The following HAPLN2 variants were observed in gnomAD, a reference collection of about 807,000 sequenced individuals.
HAPLN2 encodes hyaluronan and proteoglycan link protein 2, also known as brain link protein-1.
A neutral mutation model predicts 29.3 loss-of-function variants in HAPLN2; 27 were observed. The ratio of observed to expected loss-of-function variants is 0.92; its 90% CI spans 0.68 to 1.27. The LOEUF is 1.27. HAPLN2 is among the 50% of genes most tolerant of loss of function. The pLI, the probability that HAPLN2 is intolerant of heterozygous loss-of-function variation, is 0.00. For synonymous variants in HAPLN2, 208 were observed against 211.7 expected, an observed-to-expected ratio of 0.98 and a Z score of 0.15; for missense variants, 454 against 484.3, an observed-to-expected ratio of 0.94 and a Z score of 0.59.
At chr1:156,618,778 CAAAAAAAAAAA>C (rs67222173), upstream of HAPLN2, among the ~76,000 whole-genome samples, 6 of 41,682 alleles carry the variant, frequency 1.4e-4, no homozygotes, top group African/African-American at 2.7e-4. Flanking sequence ...GACTCCGTCT[CAAAAAAAAAAA>C]AAAAAAAAAA....
chr1:156,605,592 T>G, the HAPLN2 span, among the ~76,000 whole-genome samples: 1 of 70,886 alleles, frequency 1.4e-5, no homozygotes, highest in Non-Finnish European at 2.5e-5. Context: ...GAGCGAGACT[T>G]GGTCTCAAAA....
At chr1:156,621,226 TC>T (rs1198812184) in intron 2 of HAPLN2, among the ~76,000 whole-genome samples, 2 of 148,946 alleles carry the variant, frequency 1.3e-5, no homozygotes, top group Non-Finnish European at 3.0e-5. Context: ...TGCCTCAGCC[TC>T]CCGAGTAGCT....
the HAPLN2 span, among the ~76,000 whole-genome samples, chr1:156,602,239 C>T: frequency 1.3e-5 from 2 of 152,160 alleles, no homozygotes; most frequent in Middle Eastern, 3.2e-3. Context: ...CGTGACCGGC[C>T]TCATCAAACA....
chr1:156,604,491 T>C, the HAPLN2 span, among the ~76,000 whole-genome samples: 1 of 152,284 alleles, frequency 6.6e-6, no homozygotes, highest in Non-Finnish European at 1.5e-5. Flanking sequence ...GGTTTCACCA[T>C]GTTGGCCAGG....
upstream of HAPLN2, among the ~76,000 whole-genome samples, chr1:156,618,083 G>A (rs1678105447): frequency 6.6e-6 from 1 of 150,822 alleles, no homozygotes; most frequent in African/African-American, 2.4e-5. Flanking sequence ...GATTGCTTGA[G>A]CCCAGGAGTT....
chr1:156,613,734 G>C, the HAPLN2 span, among the ~76,000 whole-genome samples: 7 of 152,054 alleles, frequency 4.6e-5, no homozygotes, highest in Admixed American at 4.6e-4. Context: ...TGGCCAACAT[G>C]GTGAAGCCCC....
At chr1:156,610,204 C>T in the HAPLN2 span, among the ~76,000 whole-genome samples, 4 of 151,964 alleles carry the variant, frequency 2.6e-5, no homozygotes, top group Admixed American at 2.6e-4. Context: ...CAGAGCAAGA[C>T]TCCATCTCAA....
At chr1:156,624,497 C>T in intron 5 of HAPLN2, 30 bp downstream of exon 5, 1 of 1,607,888 alleles carries the variant, frequency 6.2e-7, no homozygotes, top group South Asian at 1.1e-5. Flanking sequence ...ACTTCCCAAG[C>T]CCCGCGGAGC....
At chr1:156,617,470 T>G (rs1405994561), upstream of HAPLN2, among the ~76,000 whole-genome samples, 1 of 150,184 alleles carries the variant, frequency 6.7e-6, no homozygotes, top group Admixed American at 6.7e-5. Context: ...ACCTCAAGCC[T>G]CCCGAGGAGC....
At chr1:156,610,725 G>A in the HAPLN2 span, among the ~76,000 whole-genome samples, 1 of 151,986 alleles carries the variant, frequency 6.6e-6, no homozygotes, top group Non-Finnish European at 1.5e-5. Context: ...TATGATGTAT[G>A]TTTCCATTTA....
Position 156,623,842 on chromosome 1 carries a change from A to G in HAPLN2, c.121A>G (p.Ile41Val), listed in dbSNP as rs966029535. The G allele has an allele frequency of 6.5e-7, 1 of 1,540,140 alleles. No homozygotes were observed. Among genetic ancestry groups the G allele is most frequent in the Non-Finnish European group, 8.7e-7 (1 of 1,143,942 alleles). ...HPGPHYLLPP[I>V]HEVIHSHRGA... is the part of the protein sequence containing the mutation. The stretch of plus-strand genomic sequence containing the variant: ...GGGCCCCCACTACCTCCTGCCCCCC[A>G]TCCACGAGGTCATTCACTCTCATCG... The change falls in exon 4 of 7, where the codon ATC becomes GTC. Residue 41 changes from isoleucine to valine, a missense_variant. Physicochemically the swap from Ile to Val is conservative, Grantham distance 29. This residue lies in a region of HAPLN2 where 204 missense variants were observed against 209.2 expected (regional missense o/e 0.98). Transcript: ENST00000255039.
chr1:156,624,812 G>C (rs1678392406), intron 6 of HAPLN2, 29 bp downstream of exon 6: 2 of 1,464,962 alleles, frequency 1.4e-6, no homozygotes, highest in Non-Finnish European at 1.8e-6. Flanking sequence ...GCAGGGTCTT[G>C]GGGAGGGGTC....
intron 2 of HAPLN2, among the ~76,000 whole-genome samples, chr1:156,620,746 C>G (rs1678192884): frequency 1.3e-5 from 2 of 152,180 alleles, no homozygotes; most frequent in Admixed American, 1.3e-4. Context: ...TCCCCATTCC[C>G]CATCCCATCT....
upstream of HAPLN2, among the ~76,000 whole-genome samples, chr1:156,616,740 G>A (rs936268503): frequency 2.0e-5 from 3 of 152,060 alleles, no homozygotes; most frequent in Non-Finnish European, 4.4e-5. Context: ...GGAGGGAAGC[G>A]CTTAAGAACA....
chr1:156,602,809 C>T, the HAPLN2 span, among the ~76,000 whole-genome samples: 3 of 152,050 alleles, frequency 2.0e-5, no homozygotes, highest in Admixed American at 6.6e-5. Flanking sequence ...TGCCCCTACC[C>T]CTGCAAGCTG....
the HAPLN2 span, among the ~76,000 whole-genome samples, chr1:156,605,269 A>T: frequency 1.3e-5 from 2 of 151,586 alleles, no homozygotes; most frequent in Non-Finnish European, 2.9e-5. Flanking sequence ...CCGTCTGAAA[A>T]AGAAAAAAAA....
chr1:156,616,135 G>A (rs576783930), upstream of HAPLN2, among the ~76,000 whole-genome samples: 5 of 151,790 alleles, frequency 3.3e-5, no homozygotes, highest in East Asian at 1.9e-4. Flanking sequence ...TGGTGGAAGC[G>A]AGTGTGGGTG....
intron 2 of HAPLN2, among the ~76,000 whole-genome samples, 163 bp from the exon 3 acceptor site, chr1:156,623,304 C>T (rs186333452): frequency 3.6e-4 from 54 of 152,000 alleles, no homozygotes; most frequent in South Asian, 1.0e-3. Flanking sequence ...CTGCCTTCTT[C>T]CCCTCATCAC....
chr1:156,616,440 G>T (rs531928904), upstream of HAPLN2, among the ~76,000 whole-genome samples: 23 of 152,224 alleles, frequency 1.5e-4, 1 homozygote, highest in South Asian at 4.8e-3. Context: ...ATAGTTCTAG[G>T]CTTTCCTCCC....
Sources: allele counts gnomAD v4.1 joint callset (sites outside exome capture counted in the v4.1 genomes callset), GRCh38; gene constraint gnomAD v4.1.1; regional missense constraint gnomAD v4.1.1; transcripts MANE v1.5; gene names NCBI Gene and HGNC (gene_info 2026-07-23, HGNC 2026-07-21).